PTN: variants seen among roughly 807,000 people sequenced by gnomAD.
PTN encodes heparin affin regulatory protein.
A neutral mutation model predicts 24.1 loss-of-function variants in PTN; 18 were observed. The observed-to-expected ratio is 0.75, with a 90% CI of 0.52 to 1.11. PTN has a LOEUF of 1.11. Ranked by LOEUF, PTN falls within the 50% of genes least tolerant of loss-of-function variation. The pLI is 0.00. For missense variants in PTN, 163 were observed against 198.8 expected, an observed-to-expected ratio of 0.82 and a Z score of 1.08; for synonymous variants, 78 against 68.6, an observed-to-expected ratio of 1.14 and a Z score of -0.67.
chr7:137,233,168 T>C (rs1296812813), intron 4 of PTN, among the ~76,000 whole-genome samples: 2 of 151,926 alleles, frequency 1.3e-5, no homozygotes, highest in African/African-American at 2.4e-5. Flanking sequence ...ACGTATTAAG[T>C]GACACCATGG....
intron 1 of PTN, among the ~76,000 whole-genome samples, chr7:137,285,990 T>C (rs947571564): frequency 3.3e-5 from 5 of 152,160 alleles, no homozygotes; most frequent in African/African-American, 4.8e-5. Context: ...TTCACATACG[T>C]AGGAAATAGA....
chr7:137,280,248 A>G (rs575377602), intron 1 of PTN, among the ~76,000 whole-genome samples: 18 of 152,312 alleles, frequency 1.2e-4, no homozygotes, highest in Non-Finnish European at 2.5e-4. Context: ...AAAGTTAAGG[A>G]AAGGTAGTAA....
intron 4 of PTN, among the ~76,000 whole-genome samples, chr7:137,232,131 C>T (rs1235158108): frequency 1.3e-5 from 2 of 151,952 alleles, no homozygotes; most frequent in Admixed American, 6.6e-5. Flanking sequence ...ATACACCACA[C>T]ATCAAATAAC....
chr7:137,273,920 T>C (rs1274681943), intron 1 of PTN, among the ~76,000 whole-genome samples: 1 of 152,198 alleles, frequency 6.6e-6, no homozygotes, highest in East Asian at 1.9e-4. Flanking sequence ...TTTATTTTTA[T>C]CAGTTTTGTG....
At chr7:137,250,797 G>T (rs1253572309) in intron 4 of PTN, among the ~76,000 whole-genome samples, 1 of 152,064 alleles carries the variant, frequency 6.6e-6, no homozygotes, top group African/African-American at 2.4e-5. Context: ...GTGAATAAAG[G>T]GAAAATGTAA....
At chr7:137,339,983 C>T (rs1810509181) in intron 1 of PTN, among the ~76,000 whole-genome samples, 2 of 152,088 alleles carry the variant, frequency 1.3e-5, no homozygotes, top group South Asian at 4.2e-4. Context: ...ATATACAGCG[C>T]TTGATTTTTT....
chr7:137,286,712 T>C (rs1191936828), intron 1 of PTN, among the ~76,000 whole-genome samples: 1 of 152,100 alleles, frequency 6.6e-6, no homozygotes, highest in African/African-American at 2.4e-5. Context: ...AGCACCTCAA[T>C]TGGGAGAATA....
intron 1 of PTN, among the ~76,000 whole-genome samples, chr7:137,305,867 G>A (rs1809879863): frequency 1.3e-5 from 2 of 152,034 alleles, no homozygotes; most frequent in African/African-American, 4.8e-5. Flanking sequence ...AATAAGTGTG[G>A]AAGAATTCCT....
At chr7:137,236,799 G>A (rs917420234) in intron 4 of PTN, among the ~76,000 whole-genome samples, 1 of 152,068 alleles carries the variant, frequency 6.6e-6, no homozygotes, top group Non-Finnish European at 1.5e-5. Context: ...ATGAAATGTA[G>A]TATTATAAAC....
chr7:137,342,487 A>C (rs1043842281), intron 1 of PTN, among the ~76,000 whole-genome samples: 1 of 151,830 alleles, frequency 6.6e-6, no homozygotes, highest in African/African-American at 2.4e-5. Flanking sequence ...CACAAGGGTG[A>C]GTTAACACTA....
chr7:137,239,108 C>T (rs1329154568), intron 4 of PTN, among the ~76,000 whole-genome samples: 1 of 152,166 alleles, frequency 6.6e-6, no homozygotes, highest in Non-Finnish European at 1.5e-5. Flanking sequence ...ATATTTATAG[C>T]TGCTAGTTCT....
rs947955032 is a variant in PTN at position 137,227,725 on chromosome 7, T to A, written c.*295A>T. On this transcript the variant is annotated 3_prime_UTR_variant, in exon 5 of 5. Coordinates refer to ENST00000348225, the MANE Select transcript of PTN (RefSeq NM_002825.7). ...TGCTGCCCAAAAAATGTAAAAAAAA[T>A]TTAATGTAAAATGTCACATAATTTC... 7 of 238,792 alleles carry A rather than the reference T, an allele frequency of 2.9e-5. No homozygotes were observed. The highest frequency in any genetic ancestry group is 9.0e-5 in the African/African-American group (4 of 44,572). 14.8% of individuals were successfully genotyped at this position (238,792 alleles called of 1,614,324 possible). A position where few individuals can be genotyped will look rare whatever the true frequency, so the allele number is the denominator to read the frequency against.
Position 137,256,806 on chromosome 7 carries a change from A to T in PTN, c.-1-1832T>A, listed in dbSNP as rs554603494. 1.8e-3 allele frequency among the ~76,000 whole-genome samples: 144 copies of T among 80,864 alleles called. 1 individual carries two copies. The Middle Eastern group carries it at 0.026, about 14-fold the overall frequency. The allele number at this position is 80,864 out of a possible 152,430, so 53.0% of individuals were successfully genotyped here. On this transcript the variant is annotated intron_variant, in intron 1 of 4. Coordinates refer to ENST00000348225, the MANE Select transcript of PTN (RefSeq NM_002825.7). The stretch of plus-strand genomic sequence containing the variant: ...AGGAACTTAAACAAATTTATAAAAA[A>T]CAAAACAAAACAAAACAAAACAAAA...
intron 1 of PTN, among the ~76,000 whole-genome samples, chr7:137,293,822 T>C (rs1260232822): frequency 2.6e-5 from 4 of 152,142 alleles, no homozygotes; most frequent in South Asian, 2.1e-4. Context: ...GGGTTCATTC[T>C]TGGTGTCGTA....
At chr7:137,238,657 A>G (rs546033395) in intron 4 of PTN, among the ~76,000 whole-genome samples, 22 of 152,304 alleles carry the variant, frequency 1.4e-4, no homozygotes, top group African/African-American at 4.8e-4. Context: ...GACTGTCCTG[A>G]CTTCAAGTTC....
chr7:137,299,761 C>T (rs981616183), intron 1 of PTN, among the ~76,000 whole-genome samples: 1 of 151,922 alleles, frequency 6.6e-6, no homozygotes, highest in Non-Finnish European at 1.5e-5. Flanking sequence ...TGATTGTACA[C>T]TCCCGGTTTT....
intron 4 of PTN, among the ~76,000 whole-genome samples, chr7:137,231,953 TAGCCTGGAGC>T (rs1279247158): frequency 3.3e-5 from 5 of 151,914 alleles, no homozygotes; most frequent in Non-Finnish European, 4.4e-5. Context: ...GGTCACAAAT[TAGCCTGGAGC>T]AGGGCTATAA....
At chr7:137,334,026 C>T (rs1248368686) in intron 1 of PTN, among the ~76,000 whole-genome samples, 9 of 152,074 alleles carry the variant, frequency 5.9e-5, no homozygotes, top group African/African-American at 1.2e-4. Context: ...CCTTACACCT[C>T]ATACAAAAAT....
intron 1 of PTN, among the ~76,000 whole-genome samples, chr7:137,341,925 GAAATAA>G (rs1459459551): frequency 6.6e-6 from 1 of 152,010 alleles, no homozygotes; most frequent in Non-Finnish European, 1.5e-5. Flanking sequence ...TTGCCAGTCT[GAAATAA>G]CTCATGTCCC....
Sources: allele counts gnomAD v4.1 joint callset (sites outside exome capture counted in the v4.1 genomes callset), GRCh38; gene constraint gnomAD v4.1.1; transcripts MANE v1.5; gene names NCBI Gene and HGNC (gene_info 2026-07-23, HGNC 2026-07-21).